CHD4: variants seen among roughly 807,000 people sequenced by gnomAD.
CHD4 encodes ATP-dependent chromatin remodeler CHD4.
A neutral mutation model predicts 235.5 loss-of-function variants in CHD4; 35 were observed. The ratio of observed to expected loss-of-function variants is 0.15; its 90% CI spans 0.11 to 0.20. The LOEUF (loss-of-function observed/expected upper bound fraction) is 0.20, where lower values mean the gene tolerates loss of function less well. CHD4 is among the 10% of genes least tolerant of loss of function. CHD4 has a pLI of 1.00. For synonymous variants in CHD4, 900 were observed against 850.2 expected, an observed-to-expected ratio of 1.06 and a Z score of -1.02; for missense variants, 1,329 against 2,432.3, an observed-to-expected ratio of 0.55 and a Z score of 9.54.
chr12:6,601,781 A>C lies in CHD4; in HGVS notation c.439-15T>G. 1 of 1,607,580 alleles carries C rather than the reference A, an allele frequency of 6.2e-7. No individual in the cohort carries two copies. The highest frequency in any genetic ancestry group is 8.5e-7 in the Non-Finnish European group (1 of 1,174,200). On this transcript the variant is annotated splice_polypyrimidine_tract_variant and intron_variant, in intron 4 of 39. Transcript: ENST00000544040. ...GATTTAGGCTCCTGCAGAAAGAGCA[A>C]AGTCAAGTAAGTACCTGCCACCTAG...
rs981951635 is a variant in CHD4 at position 6,602,390 on chromosome 12, G to A, written c.208C>T (p.Arg70Cys). 7 of 1,613,174 alleles carry A rather than the reference G, an allele frequency of 4.3e-6. No homozygotes were observed. Among genetic ancestry groups the A allele is most frequent in the Non-Finnish European group, 5.9e-6 (7 of 1,179,804 alleles). The change falls in exon 3 of 40, where the codon CGC (arginine) becomes TGC (cysteine). Residue 70 changes from arginine (R) to cysteine (C), a missense_variant. Around this residue, in one of 26 missense-constraint regions of CHD4, gnomAD observed 213 missense variants for 177.5 expected, o/e 1.20. Transcript: ENST00000544040. The part of the protein sequence containing the change: ...PRDPKIPKSK[R>C]QKKERMLLCR... ...CACCCACTCACCTCCTTTTTTTGGC[G>A]CTTGCTCTTAGGGATTTTAGGGTCC...
In CHD4 at chr12:6,577,905, G is replaced by A. The variant is rs1315812809; in HGVS notation, c.5241C>T (p.Ala1747=). 6.2e-7 allele frequency: 1 copy of A among 1,614,120 alleles called. No homozygotes were observed. The highest frequency in any genetic ancestry group is 2.2e-5 in the East Asian group (1 of 44,890). Reference sequence around the variant, plus strand: ...GGTCATTCTGGATGTCTTGCCACCGGGCATAGCCATGGCTATTGGAAAAGT... The same window carrying A: ...GGTCATTCTGGATGTCTTGCCACCGAGCATAGCCATGGCTATTGGAAAAGT... ...LLAGIINHGY[A]RWQDIQNDPR... Residue 1747 remains alanine (A), a synonymous_variant, in exon 37 of 40, where the codon GCC becomes GCT. Transcript: ENST00000544040.
chr12:6,582,748 C>T lies in CHD4; in HGVS notation c.4237G>A (p.Val1413Ile). The T allele has an allele frequency of 5.0e-6, 8 of 1,614,108 alleles. No individual in the cohort carries two copies. Among genetic ancestry groups the T allele is most frequent in the Non-Finnish European group, 6.8e-6 (8 of 1,180,032 alleles). ...CGCTGACGAGCATTAAAACCAAGTA[C>T]CTAGGGGAAGAAGAAACCCAGGTGA... ...LLARVGGNIEVLGFNARQRKA... is the reference protein window; with the variant it reads ...LLARVGGNIEILGFNARQRKA... Residue 1413 changes from valine (V) to isoleucine (I), a missense_variant and splice_region_variant, in exon 29 of 40, where the codon GTA (valine) becomes ATA (isoleucine). Physicochemically the swap from Val to Ile is conservative, Grantham distance 29. Around this residue, in one of 26 missense-constraint regions of CHD4, gnomAD observed 46 missense variants for 85.6 expected, o/e 0.54. Transcript: ENST00000544040.
At chr12:6,577,982 C>T in intron 36 of CHD4, 47 bp downstream of exon 36, 1 of 1,611,672 alleles carries the variant, frequency 6.2e-7, no homozygotes, top group South Asian at 1.1e-5. Context: ...AAAAGACCTT[C>T]AGAACCTTTC....
chr12:6,590,900 G>A (rs1222016447), intron 22 of CHD4, among the ~76,000 whole-genome samples: 3 of 151,824 alleles, frequency 2.0e-5, no homozygotes, highest in Admixed American at 1.3e-4. Flanking sequence ...CGAGGTGGGC[G>A]GATCATGAGG....
rs1262496332 is a variant in CHD4 at position 6,595,415 on chromosome 12, A to T, written c.2040T>A (p.Gly680=). ...GCTTCTTGCCTGGTCGGCCTTCCTC[A>T]CCCCTCATTAACTCCCTAAAGAAGA... ...SYWNHRELMR[G]EEGRPGKKLK... The change falls in exon 14 of 40, where the codon GGT becomes GGA. Residue 680 remains glycine (G), a synonymous_variant. Coordinates refer to ENST00000544040, the MANE Select transcript of CHD4 (RefSeq NM_001273.5). 2 of 1,613,812 alleles carry T rather than the reference A, an allele frequency of 1.2e-6. No individual in the cohort carries two copies. Among genetic ancestry groups the T allele is most frequent in the African/African-American group, 1.3e-5 (1 of 74,978 alleles).
intron 9 of CHD4, 72 bp downstream of exon 9, chr12:6,600,145 G>A: frequency 6.3e-7 from 1 of 1,582,760 alleles, no homozygotes; most frequent in Non-Finnish European, 8.6e-7. Flanking sequence ...TTTCCATCCA[G>A]GCCCCGAAGA....
At chr12:6,591,395 C>T (rs1948397620) in intron 22 of CHD4, 71 bp downstream of exon 22, 9 of 1,185,256 alleles carry the variant, frequency 7.6e-6, no homozygotes, top group Non-Finnish European at 1.1e-5. Context: ...AAAGGAGATG[C>T]ACAAGAAGTT....
At chr12:6,580,704 GAAAAAAAAAAA>G (rs57266458) in intron 33 of CHD4, 1 of 41,294 alleles carries the variant, frequency 2.4e-5, no homozygotes, top group Non-Finnish European at 4.4e-5. Context: ...AAACTCCTTT[GAAAAAAAAAAA>G]AAAAAAAAAA....
At position 6,600,913 on chromosome 12, in the gene CHD4, G is replaced by A. The variant is rs1351790416; in HGVS notation, c.927+13C>T. The A allele has an allele frequency of 4.5e-6, 7 of 1,571,176 alleles. No homozygotes were observed. In the Admixed American group the frequency reaches 5.9e-5, roughly 13 times the overall value. Reference sequence around the variant, plus strand: ...CATGGCACCCTCCCTAAAGCGATGGGCTGGGCTCTCACCGAGGATCTCTTA... The same window carrying A: ...CATGGCACCCTCCCTAAAGCGATGGACTGGGCTCTCACCGAGGATCTCTTA... On this transcript the variant is annotated intron_variant, in intron 7 of 39. Transcript: ENST00000544040.
intron 6 of CHD4, 64 bp downstream of exon 6, chr12:6,601,225 A>C (rs1948584620): frequency 1.3e-6 from 2 of 1,587,160 alleles, no homozygotes; most frequent in African/African-American, 1.3e-5. Context: ...CAGCATTCCC[A>C]TGCTGTCTTT....
chr12:6,606,518 C>T, intron 1 of CHD4, 67 bp from the exon 2 acceptor site: 1 of 516,008 alleles, frequency 1.9e-6, no homozygotes, highest in Non-Finnish European at 3.4e-6. Context: ...CCCCCACACC[C>T]ACCCGCTCTT....
At chr12:6,589,199 C>T (rs1228243935) in intron 22 of CHD4, among the ~76,000 whole-genome samples, 1 of 151,966 alleles carries the variant, frequency 6.6e-6, no homozygotes, top group Non-Finnish European at 1.5e-5. Flanking sequence ...GAAAGAATGT[C>T]AGAATATAAA....
chr12:6,601,171 A>G, intron 6 of CHD4, 118 bp from the exon 7 acceptor site: 1 of 1,528,908 alleles, frequency 6.5e-7, no homozygotes, highest in South Asian at 1.3e-5. Context: ...CCAAAATCCA[A>G]GACTCATTCC....
chr12:6,572,923 T>A, intron 38 of CHD4, 151 bp downstream of exon 38: 1 of 704,550 alleles, frequency 1.4e-6, no homozygotes, highest in Non-Finnish European at 2.3e-6. Context: ...GCCTCTAAGA[T>A]ACTAACCTCC....
Position 6,599,976 on chromosome 12 carries a change from T to C in CHD4, c.1279A>G (p.Asn427Asp). Residue 427 changes from asparagine to aspartate, a missense_variant, in exon 10 of 40, where the codon AAT (asparagine) becomes GAT (aspartate). Asn to Asp is a conservative substitution (Grantham distance 23). Transcript: ENST00000544040. ...TCCAGGATCTCCTCACCCTCCGAAT[T>C]GTCCTCTTTAGCTTCCCACTGGATG... The part of the protein sequence containing the change: ...EGIQWEAKED[N>D]SEGEEILEEV... 6.2e-7 allele frequency: 1 copy of C among 1,614,160 alleles called. No individual in the cohort carries two copies. Among genetic ancestry groups the C allele is most frequent in the Non-Finnish European group, 8.5e-7 (1 of 1,180,026 alleles).
chr12:6,596,261 T>C (rs2136218635), intron 12 of CHD4, 124 bp from the exon 13 acceptor site: 2 of 1,223,586 alleles, frequency 1.6e-6, no homozygotes, highest in African/African-American at 1.5e-5. Flanking sequence ...TCACACGTTT[T>C]CAGAGCCTCT....
chr12:6,583,626 G>A (rs772623855), intron 25 of CHD4: 8 of 437,960 alleles, frequency 1.8e-5, no homozygotes, highest in African/African-American at 1.0e-4. Flanking sequence ...TCACAGGTAA[G>A]GATGAAGAGA....
At chr12:6,572,993 T>C in intron 38 of CHD4, 81 bp downstream of exon 38, 1 of 1,399,502 alleles carries the variant, frequency 7.1e-7, no homozygotes. Flanking sequence ...CTCTGAAAGT[T>C]TGAAAACAAA....
Sources: gnomAD v4.1 joint callset for allele counts (sites outside exome capture counted in the v4.1 genomes callset) on GRCh38, gnomAD v4.1.1 for gene constraint, gnomAD v4.1.1 regional missense constraint, MANE v1.5 for transcripts, NCBI Gene and HGNC (gene_info 2026-07-23, HGNC 2026-07-21) for gene names.